SLIT2: variants seen among roughly 807,000 people sequenced by gnomAD.
SLIT2 encodes the protein slit homolog 2 protein.
In SLIT2, 41 loss-of-function variants were observed where a neutral mutation model predicts 185.7. The ratio of observed to expected loss-of-function variants is 0.22; its 90% CI spans 0.17 to 0.29. SLIT2 has a LOEUF of 0.29. SLIT2 is among the 10% of genes least tolerant of loss of function. The pLI, the probability that SLIT2 is intolerant of heterozygous loss-of-function variation, is 1.00. For missense variants in SLIT2, 1,571 were observed against 1,909.0 expected, an observed-to-expected ratio of 0.82 and a Z score of 3.30; for synonymous variants, 693 against 680.2, an observed-to-expected ratio of 1.02 and a Z score of -0.29.
intron 33 of SLIT2, among the ~76,000 whole-genome samples, chr4:20,609,786 A>G (rs1210044225): frequency 6.6e-6 from 1 of 152,206 alleles, no homozygotes; most frequent in African/African-American, 2.4e-5. Flanking sequence ...ACTTCTTGTC[A>G]TAAAAGAACA....
chr4:20,560,174 G>C (rs1182261937), intron 26 of SLIT2, among the ~76,000 whole-genome samples: 2 of 151,774 alleles, frequency 1.3e-5, no homozygotes, highest in Non-Finnish European at 2.9e-5. Context: ...AATTATGTAA[G>C]TACAAACTCT....
At chr4:20,290,432 A>T (rs1399520871) in intron 4 of SLIT2, among the ~76,000 whole-genome samples, 7 of 152,214 alleles carry the variant, frequency 4.6e-5, no homozygotes, top group Admixed American at 3.9e-4. Context: ...AGTAGTTTAG[A>T]GATAATTTAA....
intron 9 of SLIT2, among the ~76,000 whole-genome samples, chr4:20,501,856 C>T (rs1560480008): frequency 6.6e-6 from 1 of 152,034 alleles, no homozygotes. Flanking sequence ...AAGAATTATA[C>T]TATTGAAAGA....
chr4:20,595,768 G>A lies in SLIT2; in HGVS notation c.3254G>A (p.Cys1085Tyr). Residue 1085 changes from cysteine (C) to tyrosine (Y), a missense_variant, in exon 31 of 37, where the codon TGT (cysteine) becomes TAT (tyrosine). Cys to Tyr is a radical substitution (Grantham distance 194). Around this residue, in one of 3 missense-constraint regions of SLIT2, gnomAD observed 1,202 missense variants for 1,416.4 expected, o/e 0.85. Transcript: ENST00000504154. ...TTTGACGACTGCCAAGACAACAAGT[G>A]TAAAAACGGAGCCCACTGCACAGAT... Reference protein sequence around the residue: ...IDFDDCQDNKCKNGAHCTDAV... With the variant: ...IDFDDCQDNKYKNGAHCTDAV... The A allele has an allele frequency of 6.2e-7, 1 of 1,614,130 alleles. No homozygotes were observed. The highest frequency in any genetic ancestry group is 8.5e-7 in the Non-Finnish European group (1 of 1,180,006).
intron 4 of SLIT2, among the ~76,000 whole-genome samples, chr4:20,335,550 CA>C (rs1720422431): frequency 6.6e-6 from 1 of 151,978 alleles, no homozygotes; most frequent in Non-Finnish European, 1.5e-5. Context: ...TGTACCCTTC[CA>C]AAAAATTGTT....
intron 4 of SLIT2, among the ~76,000 whole-genome samples, chr4:20,330,663 T>A (rs1373876489): frequency 6.6e-6 from 1 of 151,472 alleles, no homozygotes; most frequent in African/African-American, 2.4e-5. Flanking sequence ...CAATTCTAAT[T>A]TCTCACAGTT....
Position 20,349,061 on chromosome 4 carries a change from C to G in SLIT2, c.395+80180C>G, listed in dbSNP as rs150189578. Among the ~76,000 whole-genome samples, 8 of 152,156 alleles carry G rather than the reference C, an allele frequency of 5.3e-5. No homozygotes were observed. In the East Asian group the frequency reaches 1.4e-3, roughly 26 times the overall value. On this transcript the variant is annotated intron_variant, in intron 4 of 36. Transcript: ENST00000504154. ...GGTAATATGGAAATTGTGCCATTCC[C>G]AAAGAGAAAGTGAAGATGTTGAACT...
intron 3 of SLIT2, among the ~76,000 whole-genome samples, chr4:20,264,234 A>G (rs1383035561): frequency 1.3e-5 from 2 of 151,932 alleles, no homozygotes; most frequent in Non-Finnish European, 2.9e-5. Flanking sequence ...TGTTAAAATA[A>G]AAACATTTTT....
At chr4:20,541,882 T>G (rs1722826888) in intron 20 of SLIT2, among the ~76,000 whole-genome samples, 1 of 152,212 alleles carries the variant, frequency 6.6e-6, no homozygotes, top group Non-Finnish European at 1.5e-5. Flanking sequence ...ATAGCTTCAT[T>G]TTAACTTTTC....
chr4:20,356,325 G>T (rs1177431428), intron 4 of SLIT2, among the ~76,000 whole-genome samples: 6 of 152,080 alleles, frequency 3.9e-5, no homozygotes, highest in Admixed American at 3.9e-4. Context: ...CCAGAATATG[G>T]TATTATTTAA....
chr4:20,533,155 A>G (rs1721952821), intron 17 of SLIT2, among the ~76,000 whole-genome samples: 1 of 152,254 alleles, frequency 6.6e-6, no homozygotes, highest in Non-Finnish European at 1.5e-5. Flanking sequence ...CTGATGCTAT[A>G]TATAAAACAC....
At chr4:20,458,164 A>G (rs1237699751) in intron 4 of SLIT2, among the ~76,000 whole-genome samples, 2 of 151,952 alleles carry the variant, frequency 1.3e-5, no homozygotes, top group East Asian at 3.9e-4. Flanking sequence ...AACAGTGTGA[A>G]CGTACTTAAC....
intron 4 of SLIT2, among the ~76,000 whole-genome samples, chr4:20,322,982 T>G (rs1450403048): frequency 6.6e-6 from 1 of 152,212 alleles, no homozygotes; most frequent in Non-Finnish European, 1.5e-5. Flanking sequence ...GTTTGCAAAG[T>G]ACTTTCATAG....
At chr4:20,372,133 C>G (rs544733922) in intron 4 of SLIT2, among the ~76,000 whole-genome samples, 1 of 152,058 alleles carries the variant, frequency 6.6e-6, no homozygotes, top group African/African-American at 2.4e-5. Context: ...TTTATAGGTA[C>G]GACACATTAT....
At chr4:20,379,529 A>G (rs997622100) in intron 4 of SLIT2, among the ~76,000 whole-genome samples, 7 of 152,130 alleles carry the variant, frequency 4.6e-5, no homozygotes, top group African/African-American at 1.7e-4. Context: ...TTAAATATCT[A>G]ATCCTCCAGT....
chr4:20,503,854 A>G (rs935179849), intron 9 of SLIT2, among the ~76,000 whole-genome samples: 4 of 152,200 alleles, frequency 2.6e-5, no homozygotes, highest in African/African-American at 9.6e-5. Flanking sequence ...AAATCCCAAG[A>G]CAGAAACTGA....
chr4:20,447,631 A>G (rs541885747), intron 4 of SLIT2, among the ~76,000 whole-genome samples: 11 of 152,350 alleles, frequency 7.2e-5, no homozygotes, highest in Non-Finnish European at 1.5e-4. Flanking sequence ...TGAGAAGGTC[A>G]TGAGACCTGC....
intron 4 of SLIT2, among the ~76,000 whole-genome samples, chr4:20,423,954 A>T (rs1234694155): frequency 2.0e-5 from 3 of 152,096 alleles, no homozygotes; most frequent in Non-Finnish European, 4.4e-5. Context: ...ATGGTTAAAG[A>T]ATCTATTGGC....
chr4:20,559,554 T>C (rs1309230162), intron 26 of SLIT2, among the ~76,000 whole-genome samples: 5 of 151,990 alleles, frequency 3.3e-5, no homozygotes, highest in African/African-American at 4.8e-5. Context: ...CCAATACTAC[T>C]ACCACTACAA....
Sources: gnomAD v4.1 joint callset for allele counts (sites outside exome capture counted in the v4.1 genomes callset) on GRCh38, gnomAD v4.1.1 for gene constraint, gnomAD v4.1.1 regional missense constraint, MANE v1.5 for transcripts, NCBI Gene and HGNC (gene_info 2026-07-23, HGNC 2026-07-21) for gene names.